KMT5B: variants seen among roughly 807,000 people sequenced by gnomAD.
KMT5B encodes lysine methyltransferase 5B.
A neutral mutation model predicts 83.2 loss-of-function variants in KMT5B; 10 were observed. That is an observed-to-expected ratio of 0.12 (90% CI 0.07 to 0.20). The LOEUF is 0.20. KMT5B is among the 10% of genes least tolerant of loss of function. The pLI is 1.00. For synonymous variants in KMT5B, 349 were observed against 388.8 expected (o/e 0.90, Z 1.20); for missense variants, 753 against 1,067.2 (o/e 0.71, Z 4.10).
At chr11:68,210,310 A>G (rs1447286258) in intron 1 of KMT5B, among the ~76,000 whole-genome samples, 1 of 152,164 alleles carries the variant, frequency 6.6e-6, no homozygotes, top group Non-Finnish European at 1.5e-5. Context: ...ACTATCTCAT[A>G]ATGACATTTC....
At chr11:68,189,861 A>G (rs569823798) in intron 2 of KMT5B, 56 bp downstream of exon 2, 2 of 1,517,982 alleles carry the variant, frequency 1.3e-6, no homozygotes, top group Non-Finnish European at 1.8e-6. Flanking sequence ...ACAAACTGGA[A>G]AGAATTACTA....
At chr11:68,210,744 T>C (rs769717995) in intron 1 of KMT5B, among the ~76,000 whole-genome samples, 1 of 152,168 alleles carries the variant, frequency 6.6e-6, no homozygotes, top group Non-Finnish European at 1.5e-5. Context: ...CATGCAGTAT[T>C]GTAGCTAACA....
chr11:68,206,603 G>A (rs80030421), intron 1 of KMT5B, among the ~76,000 whole-genome samples: 1 of 152,090 alleles, frequency 6.6e-6, no homozygotes, highest in African/African-American at 2.4e-5. Flanking sequence ...TAACTTCACC[G>A]ATGCCCCACC....
intron 2 of KMT5B, among the ~76,000 whole-genome samples, chr11:68,186,609 A>G (rs1267639587): frequency 6.6e-6 from 1 of 152,234 alleles, no homozygotes; most frequent in Non-Finnish European, 1.5e-5. Flanking sequence ...AACTGAAATA[A>G]CTGGGTTTAA....
intron 3 of KMT5B, 109 bp from the exon 4 acceptor site, chr11:68,180,309 C>A (rs1856796147): frequency 2.6e-5 from 37 of 1,427,358 alleles, no homozygotes; most frequent in Non-Finnish European, 3.4e-5. Flanking sequence ...ATCTTTAAAA[C>A]TCTGTGATAA....
chr11:68,181,197 CTT>C (rs1856894130), intron 3 of KMT5B, among the ~76,000 whole-genome samples: 2 of 151,826 alleles, frequency 1.3e-5, no homozygotes, highest in South Asian at 4.1e-4. Context: ...GCCTCAAACT[CTT>C]GAGTAGCTGG....
At chr11:68,179,618 T>A in intron 4 of KMT5B, 2 of 1,269,810 alleles carry the variant, frequency 1.6e-6, no homozygotes, top group South Asian at 1.3e-5. Context: ...AAGAGCTGAC[T>A]GGAGGGGTGG....
chr11:68,155,823 G>A lies in KMT5B; in HGVS notation c.*1865C>T, dbSNP rs1859252189. ...AGACGCAGTGAACGGGGGTATGGGTGGGTGTGGAAGAAGGTCTACCACATG... is the reference window on the plus strand; with the variant it reads ...AGACGCAGTGAACGGGGGTATGGGTAGGTGTGGAAGAAGGTCTACCACATG... On this transcript the variant is annotated 3_prime_UTR_variant, in exon 11 of 11. Transcript: ENST00000304363. 1 of 152,258 alleles carries A rather than the reference G, an allele frequency of 6.6e-6. No individual in the cohort carries two copies. The highest frequency in any genetic ancestry group is 2.4e-5 in the African/African-American group (1 of 41,462). 9.4% of individuals were successfully genotyped at this position (152,258 alleles called of 1,614,324 possible).
chr11:68,196,938 T>C (rs1476319483), intron 1 of KMT5B, among the ~76,000 whole-genome samples: 1 of 152,008 alleles, frequency 6.6e-6, no homozygotes, highest in Non-Finnish European at 1.5e-5. Flanking sequence ...AGAAATAAAA[T>C]ATATGGAATA....
chr11:68,172,809 G>A (rs1252820493), intron 6 of KMT5B, among the ~76,000 whole-genome samples: 1 of 152,098 alleles, frequency 6.6e-6, no homozygotes, highest in East Asian at 1.9e-4. Context: ...GGTAAATGAA[G>A]CACATTTCAT....
intron 10 of KMT5B, 164 bp downstream of exon 10, chr11:68,166,818 T>C: frequency 6.9e-7 from 1 of 1,443,488 alleles, no homozygotes; most frequent in South Asian, 1.5e-5. Flanking sequence ...ATACAGACTG[T>C]GCCTCTACTC....
At chr11:68,161,774 T>C (rs755409253) in intron 10 of KMT5B, among the ~76,000 whole-genome samples, 1 of 152,162 alleles carries the variant, frequency 6.6e-6, no homozygotes, top group African/African-American at 2.4e-5. Flanking sequence ...CCCCTTAGAC[T>C]GTTCTTCTTC....
intron 1 of KMT5B, among the ~76,000 whole-genome samples, chr11:68,192,815 C>T (rs1858248381): frequency 6.6e-6 from 1 of 152,238 alleles, no homozygotes; most frequent in South Asian, 2.1e-4. Flanking sequence ...TTTAAGAAAC[C>T]AATATTCAGA....
chr11:68,156,189 A>AT lies in KMT5B; in HGVS notation c.*1498dup, dbSNP rs879405968. ...GACACTATACAAATCCCCTGAATTG[A>AT]TTTTTACTTAGGAACACTGTATATC... On this transcript the variant is annotated 3_prime_UTR_variant, in exon 11 of 11. Coordinates refer to ENST00000304363, the MANE Select transcript of KMT5B (RefSeq NM_017635.5). 5 of 152,202 alleles carry AT rather than the reference A, an allele frequency of 3.3e-5. No individual in the cohort carries two copies. The highest frequency in any genetic ancestry group is 7.3e-5 in the Non-Finnish European group (5 of 68,038). 9.4% of individuals were successfully genotyped at this position (152,202 alleles called of 1,614,324 possible).
At chr11:68,191,263 C>A (rs2153073736) in intron 1 of KMT5B, among the ~76,000 whole-genome samples, 1 of 151,870 alleles carries the variant, frequency 6.6e-6, no homozygotes, top group African/African-American at 2.4e-5. Context: ...TGGCCTCAAG[C>A]AATCCCTCCA....
At chr11:68,192,637 T>G (rs1178627346) in intron 1 of KMT5B, among the ~76,000 whole-genome samples, 1 of 152,224 alleles carries the variant, frequency 6.6e-6, no homozygotes, top group East Asian at 1.9e-4. Flanking sequence ...AAGGCAAGCT[T>G]AGGAAAAGGC....
Position 68,158,955 on chromosome 11 carries a change from T to C in KMT5B, c.1391A>G (p.Lys464Arg). Reference protein sequence around the residue: ...LRNHCKRLEQKNASRKLEMGN... With the variant: ...LRNHCKRLEQRNASRKLEMGN... ...CATTTCGAGTTTTCTTGAAGCATTCTTTTGCTCCAGCCGCTTGCAATGATT... is the reference window on the plus strand; with the variant it reads ...CATTTCGAGTTTTCTTGAAGCATTCCTTTGCTCCAGCCGCTTGCAATGATT... Residue 464 changes from lysine to arginine, a missense_variant, in exon 11 of 11, where the codon AAG becomes AGG. This residue lies in a region of KMT5B where 397 missense variants were observed against 395.9 expected (regional missense o/e 1.00). Coordinates refer to ENST00000304363, the MANE Select transcript of KMT5B (RefSeq NM_017635.5). The C allele has an allele frequency of 6.2e-7, 1 of 1,613,492 alleles. No individual in the cohort carries two copies. Among genetic ancestry groups the C allele is most frequent in the Non-Finnish European group, 8.5e-7 (1 of 1,179,916 alleles).
At chr11:68,202,843 G>A (rs993408505) in intron 1 of KMT5B, among the ~76,000 whole-genome samples, 60 of 151,884 alleles carry the variant, frequency 4.0e-4, no homozygotes, top group African/African-American at 1.3e-3. Context: ...CACTGCACCT[G>A]GCTTTATTTC....
At chr11:68,197,863 TAAATG>T (rs1417472429) in intron 1 of KMT5B, among the ~76,000 whole-genome samples, 3 of 152,214 alleles carry the variant, frequency 2.0e-5, no homozygotes, top group Non-Finnish European at 4.4e-5. Flanking sequence ...CTTAAACTGA[TAAATG>T]AAACATTTGT....
Sources: allele counts gnomAD v4.1 joint callset (sites outside exome capture counted in the v4.1 genomes callset), GRCh38; gene constraint gnomAD v4.1.1; regional missense constraint gnomAD v4.1.1; transcripts MANE v1.5; gene names NCBI Gene and HGNC (gene_info 2026-07-23, HGNC 2026-07-21).